Variants in RANBP9 observed in about 807,000 individuals in gnomAD.
RANBP9 encodes ran-binding protein 9.
Under a neutral mutation model 84.3 loss-of-function variants are expected in RANBP9, and 15 were observed. The observed-to-expected ratio is 0.18, with a 90% CI of 0.12 to 0.27. The LOEUF (loss-of-function observed/expected upper bound fraction) is 0.27. Among genes scored for constraint, RANBP9 ranks in the 10% least tolerant of loss-of-function variants. The probability of loss-of-function intolerance (pLI) is 1.00; values close to 1 mark genes in which losing one functional copy is unlikely to be tolerated. For missense variants in RANBP9, 809 were observed against 912.8 expected (o/e 0.89, Z 1.46); for synonymous variants, 392 against 349.6 (o/e 1.12, Z -1.35).
At chr6:13,652,797 C>A in intron 4 of RANBP9, 116 bp from the exon 5 acceptor site, 1 of 861,088 alleles carries the variant, frequency 1.2e-6, no homozygotes, top group Non-Finnish European at 1.8e-6. Flanking sequence ...AACATTAAAG[C>A]CTAAATAAAA....
chr6:13,688,982 C>CAAAAAAAAAAAAAAA (rs1164073062), intron 2 of RANBP9, among the ~76,000 whole-genome samples: 1 of 29,952 alleles, frequency 3.3e-5, no homozygotes, highest in African/African-American at 1.0e-4. Context: ...CCCATCTCCA[C>CAAAAAAAAAAAAAAA]AAAAAAAAAA....
At chr6:13,710,502 G>A (rs762683823) in intron 1 of RANBP9, among the ~76,000 whole-genome samples, 2 of 151,976 alleles carry the variant, frequency 1.3e-5, no homozygotes, top group African/African-American at 2.4e-5. Flanking sequence ...TCATACCTCA[G>A]AATCGTGCCT....
rs34108954 is a variant in RANBP9 at position 13,707,005 on chromosome 6, C to CAAAA, written c.571+3926_571+3929dup. Among the ~76,000 whole-genome samples the CAAAA allele has an allele frequency of 8.2e-5, 10 of 122,294 alleles. 1 individual carries two copies. Among genetic ancestry groups the CAAAA allele is most frequent in the Non-Finnish European group, 1.2e-4 (7 of 57,074 alleles). 80.2% of individuals were successfully genotyped at this position (122,294 alleles called of 152,430 possible). On this transcript the variant is annotated intron_variant, in intron 1 of 13. Coordinates refer to ENST00000011619, the MANE Select transcript of RANBP9 (RefSeq NM_005493.3). ...TGGACGATAGAGCAAGACTCTGTCTCAAAAAAAAAAAAAAAAAATGCAATT... is the reference window on the plus strand; with the variant it reads ...TGGACGATAGAGCAAGACTCTGTCTCAAAAAAAAAAAAAAAAAAAAAATGCAATT...
chr6:13,637,822 A>G lies in RANBP9; in HGVS notation c.1659T>C (p.Val553=). The change falls in exon 10 of 14, where the codon GTT becomes GTC. Residue 553 remains valine (V), a synonymous_variant. Transcript: ENST00000011619. ...AAATTACTTACCTGGTGAAGTTATT[A>G]ACTTGCTGTGATCTTGACATATTTA... ...NSINMSRSQQ[V]NNFTSNDVDM... is the part of the protein sequence containing the mutation. 1 of 1,595,852 alleles carries G rather than the reference A, an allele frequency of 6.3e-7. No individual in the cohort carries two copies. Among genetic ancestry groups the G allele is most frequent in the South Asian group, 1.1e-5 (1 of 87,238 alleles).
intron 1 of RANBP9, among the ~76,000 whole-genome samples, chr6:13,698,874 G>A (rs1156992612): frequency 1.3e-5 from 2 of 152,132 alleles, no homozygotes; most frequent in Non-Finnish European, 2.9e-5. Flanking sequence ...GATCTAGTGT[G>A]AGCTCTGAAC....
rs138572259 is a variant in RANBP9, at chr6:13,634,886, T to C, written c.1674-334A>G. 2.3e-4 allele frequency among the ~76,000 whole-genome samples: 35 copies of C among 152,274 alleles called. No individual in the cohort carries two copies. In the East Asian group the frequency reaches 4.8e-3, roughly 21 times the overall value. On this transcript the variant is annotated intron_variant, in intron 10 of 13. Coordinates refer to ENST00000011619, the MANE Select transcript of RANBP9 (RefSeq NM_005493.3). ...GATCTGTACGTCTTCGTTAATCAAC[T>C]GCTGCCCCACCAACTCCCCAGCCAG...
intron 2 of RANBP9, among the ~76,000 whole-genome samples, chr6:13,695,837 G>C (rs1766431760): frequency 6.6e-6 from 1 of 151,982 alleles, no homozygotes; most frequent in Non-Finnish European, 1.5e-5. Context: ...GCCGATAAAG[G>C]AGTAATCTAC....
chr6:13,682,028 AT>A (rs1287603037), intron 2 of RANBP9, among the ~76,000 whole-genome samples: 1 of 151,898 alleles, frequency 6.6e-6, no homozygotes, highest in African/African-American at 2.4e-5. Context: ...CACCTGGTTA[AT>A]TTTTGTATTT....
chr6:13,692,254 G>A lies in RANBP9; in HGVS notation c.683+4531C>T, dbSNP rs533534188. ...TGTGACCAAAGAAGTACAATAGTTT[G>A]GCCAGGCGCGGTGGCTCACACCTAT... On this transcript the variant is annotated intron_variant, in intron 2 of 13. Coordinates refer to ENST00000011619, the MANE Select transcript of RANBP9 (RefSeq NM_005493.3). Among the ~76,000 whole-genome samples, 5 of 152,076 alleles carry A rather than the reference G, an allele frequency of 3.3e-5. No homozygotes were observed. In the East Asian group the frequency reaches 9.7e-4, roughly 29 times the overall value.
chr6:13,646,364 G>A (rs1361554969), intron 5 of RANBP9, among the ~76,000 whole-genome samples: 1 of 152,168 alleles, frequency 6.6e-6, no homozygotes, highest in Non-Finnish European at 1.5e-5. Context: ...AGCCGAGATT[G>A]TGCCACTGCA....
At chr6:13,658,859 G>C in intron 2 of RANBP9, 27 bp from the exon 3 acceptor site, 2 of 1,530,536 alleles carry the variant, frequency 1.3e-6, no homozygotes, top group South Asian at 2.2e-5. Flanking sequence ...GGGGAGAGAA[G>C]AAAAGGACAT....
intron 2 of RANBP9, among the ~76,000 whole-genome samples, chr6:13,688,717 AG>A (rs1341236767): frequency 6.6e-6 from 1 of 151,468 alleles, no homozygotes. Flanking sequence ...CTCTATCCTC[AG>A]GCAACCGCCT....
chr6:13,689,867 T>C (rs549943022), intron 2 of RANBP9, among the ~76,000 whole-genome samples: 1 of 152,218 alleles, frequency 6.6e-6, no homozygotes, highest in African/African-American at 2.4e-5. Flanking sequence ...GTCTTAAGAG[T>C]TGCATATTTC....
At chr6:13,685,575 C>T (rs1766153040) in intron 2 of RANBP9, among the ~76,000 whole-genome samples, 1 of 151,666 alleles carries the variant, frequency 6.6e-6, no homozygotes, top group Non-Finnish European at 1.5e-5. Flanking sequence ...AGAGAAATAC[C>T]CTGTCTCCCC....
chr6:13,637,336 T>C (rs1048027736), intron 10 of RANBP9, among the ~76,000 whole-genome samples: 2 of 152,058 alleles, frequency 1.3e-5, no homozygotes, highest in Non-Finnish European at 2.9e-5. Flanking sequence ...AAAAGATTAT[T>C]TGTAAAGTTA....
intron 4 of RANBP9, among the ~76,000 whole-genome samples, chr6:13,655,455 A>G (rs944551420): frequency 6.6e-6 from 1 of 152,236 alleles, no homozygotes; most frequent in African/African-American, 2.4e-5. Flanking sequence ...CGACAGAAGG[A>G]CATTCCGTCT....
intron 2 of RANBP9, among the ~76,000 whole-genome samples, chr6:13,673,268 C>A (rs1765815419): frequency 6.6e-6 from 1 of 152,182 alleles, no homozygotes; most frequent in South Asian, 2.1e-4. Flanking sequence ...TGGGAAAAAA[C>A]CCCACCAAGC....
intron 2 of RANBP9, among the ~76,000 whole-genome samples, chr6:13,679,333 CA>C (rs1765975525): frequency 6.6e-6 from 1 of 152,160 alleles, no homozygotes; most frequent in Non-Finnish European, 1.5e-5. Context: ...AGATGGCCTT[CA>C]AAGTACCTAT....
rs898670443 is a variant in RANBP9 at position 13,621,685 on chromosome 6, T to C, written c.*677A>G. On this transcript the variant is annotated 3_prime_UTR_variant, in exon 14 of 14. Transcript: ENST00000011619. ...ACACCGTTGACATGTAATACTGTTA[T>C]AATACAACAGTTAAACTTGTGAGTC... 7.2e-5 allele frequency: 11 copies of C among 152,638 alleles called. No individual in the cohort carries two copies. The highest frequency in any genetic ancestry group is 1.6e-4 in the Non-Finnish European group (11 of 68,038). The allele number at this position is 152,638 out of a possible 1,614,324, so 9.5% of individuals were successfully genotyped here.
Sources: gnomAD v4.1 joint callset for allele counts (sites outside exome capture counted in the v4.1 genomes callset) on GRCh38, gnomAD v4.1.1 for gene constraint, MANE v1.5 for transcripts, NCBI Gene and HGNC (gene_info 2026-07-23, HGNC 2026-07-21) for gene names.